Variants in ADGRL2 observed in about 807,000 individuals in gnomAD.
ADGRL2 encodes the protein adhesion G protein-coupled receptor L2.
In ADGRL2, 44 loss-of-function variants were observed where a neutral mutation model predicts 157.4. That is an observed-to-expected ratio of 0.28 (90% confidence interval 0.22 to 0.36). The LOEUF is 0.36. ADGRL2 is among the 10% of genes least tolerant of loss of function. The pLI, the probability that ADGRL2 is intolerant of heterozygous loss-of-function variation, is 1.00. For synonymous variants in ADGRL2, 585 were observed against 624.7 expected (o/e 0.94, Z 0.95); for missense variants, 1,510 against 1,768.9 (o/e 0.85, Z 2.63).
chr1:81,347,371 A>G (rs1570683886), intron 1 of ADGRL2, among the ~76,000 whole-genome samples: 1 of 152,236 alleles, frequency 6.6e-6, no homozygotes, highest in South Asian at 2.1e-4. Flanking sequence ...ATTGCACTCC[A>G]GCCTGGATGA....
At chr1:81,543,296 C>G (rs572340478) in intron 2 of ADGRL2, among the ~76,000 whole-genome samples, 1 of 151,970 alleles carries the variant, frequency 6.6e-6, no homozygotes, top group East Asian at 1.9e-4. Flanking sequence ...AGGGCTAATT[C>G]CCTCACTAAA....
At chr1:81,348,559 G>A (rs1557616604) in intron 1 of ADGRL2, among the ~76,000 whole-genome samples, 1 of 151,998 alleles carries the variant, frequency 6.6e-6, no homozygotes, top group Non-Finnish European at 1.5e-5. Context: ...AACATGAATT[G>A]AGATGAAAAT....
intron 2 of ADGRL2, among the ~76,000 whole-genome samples, chr1:81,580,693 A>G (rs1463642778): frequency 6.6e-6 from 1 of 152,188 alleles, no homozygotes; most frequent in Non-Finnish European, 1.5e-5. Flanking sequence ...GTTGTTTGTC[A>G]GCAGCCACCA....
chr1:81,647,163 T>A (rs2082330093), intron 3 of ADGRL2, among the ~76,000 whole-genome samples: 4 of 152,236 alleles, frequency 2.6e-5, no homozygotes, highest in Admixed American at 2.6e-4. Context: ...TAGGTTCTTT[T>A]CAGCACATAA....
chr1:81,433,909 AG>A (rs1459574711), intron 1 of ADGRL2, among the ~76,000 whole-genome samples: 7 of 152,284 alleles, frequency 4.6e-5, no homozygotes, highest in African/African-American at 1.7e-4. Context: ...TGCTGGTTGT[AG>A]GCTAGAAGCT....
chr1:81,415,960 C>G (rs2077025949), intron 1 of ADGRL2, among the ~76,000 whole-genome samples: 1 of 151,920 alleles, frequency 6.6e-6, no homozygotes, highest in South Asian at 2.1e-4. Context: ...CCTGCCTCAG[C>G]CTCCCGAGTA....
intron 2 of ADGRL2, chr1:81,505,126 C>T (rs1207673524): frequency 2.3e-6 from 1 of 441,472 alleles, no homozygotes; most frequent in African/African-American, 2.0e-5. Context: ...AAACAGATAC[C>T]TCAGCCCGGT....
intron 2 of ADGRL2, among the ~76,000 whole-genome samples, chr1:81,779,158 A>T (rs553385218): frequency 6.6e-6 from 1 of 152,202 alleles, no homozygotes; most frequent in Non-Finnish European, 1.5e-5. Flanking sequence ...AAATCAAAGT[A>T]CCTGCATTCA....
intron 2 of ADGRL2, among the ~76,000 whole-genome samples, chr1:81,792,181 T>C (rs1028536332): frequency 3.5e-4 from 53 of 152,196 alleles, no homozygotes; most frequent in African/African-American, 1.3e-3. Flanking sequence ...TTGAAAAATA[T>C]GTCAGCCTAC....
At chr1:81,320,441 C>T (rs1660423865) in intron 1 of ADGRL2, among the ~76,000 whole-genome samples, 1 of 152,178 alleles carries the variant, frequency 6.6e-6, no homozygotes, top group East Asian at 1.9e-4. Context: ...TGCTCAGACT[C>T]CCTCAGAAGA....
intron 1 of ADGRL2, chr1:81,722,128 TA>T: frequency 2.8e-6 from 1 of 360,438 alleles, no homozygotes; most frequent in Non-Finnish European, 5.3e-6. Context: ...CCGTCTCTAC[TA>T]AAAAATATAA....
intron 3 of ADGRL2, chr1:81,625,767 A>G (rs2081897106): frequency 6.6e-6 from 1 of 152,210 alleles, no homozygotes; most frequent in Admixed American, 6.5e-5. Flanking sequence ...TTGAAAAACA[A>G]AACCGCCAAC....
chr1:81,922,177 G>A (rs1308122563), intron 3 of ADGRL2, among the ~76,000 whole-genome samples: 1 of 152,132 alleles, frequency 6.6e-6, no homozygotes, highest in Non-Finnish European at 1.5e-5. Context: ...AAGGGAAAGT[G>A]GTAAGTTATG....
intron 3 of ADGRL2, among the ~76,000 whole-genome samples, chr1:81,599,253 C>T (rs545005313): frequency 1.2e-4 from 18 of 152,314 alleles, no homozygotes; most frequent in South Asian, 6.2e-4. Flanking sequence ...ACAGGAAAAT[C>T]ATTTTTCTAT....
intron 21 of ADGRL2, 41 bp from the exon 22 acceptor site, chr1:81,986,860 A>T: frequency 6.3e-7 from 1 of 1,581,276 alleles, no homozygotes; most frequent in East Asian, 2.2e-5. Flanking sequence ...AAACTGATGT[A>T]CTTTTCTCTG....
intron 3 of ADGRL2, among the ~76,000 whole-genome samples, chr1:81,679,706 T>G (rs1337962247): frequency 6.6e-6 from 1 of 152,212 alleles, no homozygotes; most frequent in Non-Finnish European, 1.5e-5. Flanking sequence ...AGTAATATTT[T>G]CTAGAAAGAG....
chr1:81,665,638 A>G (rs1265619977), intron 3 of ADGRL2, among the ~76,000 whole-genome samples: 1 of 152,138 alleles, frequency 6.6e-6, no homozygotes. Flanking sequence ...TTATCTCTAT[A>G]TGAGAACCTC....
At chr1:81,442,778 T>TC (rs1349266362) in intron 1 of ADGRL2, among the ~76,000 whole-genome samples, 1 of 152,080 alleles carries the variant, frequency 6.6e-6, no homozygotes, top group Non-Finnish European at 1.5e-5. Context: ...CACAGGAAGG[T>TC]CCCATTGTAG....
At chr1:81,343,383 C>T (rs145887245) in intron 1 of ADGRL2, among the ~76,000 whole-genome samples, 1 of 152,144 alleles carries the variant, frequency 6.6e-6, no homozygotes, top group African/African-American at 2.4e-5. Context: ...AGCCACTGGG[C>T]CTGGCCAACA....
Sources: gnomAD v4.1 joint callset for allele counts (sites outside exome capture counted in the v4.1 genomes callset) on GRCh38, gnomAD v4.1.1 for gene constraint, MANE v1.5 for transcripts, NCBI Gene and HGNC (gene_info 2026-07-23, HGNC 2026-07-21) for gene names.